CCDC73: variants seen among roughly 807,000 people sequenced by gnomAD.
The protein encoded by CCDC73 is coiled-coil domain-containing protein 73.
CCDC73 carries 95 observed loss-of-function variants against 116.5 expected under a neutral mutation model. That is an observed-to-expected ratio of 0.82 (90% CI 0.69 to 0.97). CCDC73 has a LOEUF of 0.97. Ranked by LOEUF, CCDC73 falls within the 50% of genes least tolerant of loss-of-function variation. CCDC73 has a pLI of 0.00. For synonymous variants in CCDC73, 398 were observed against 401.3 expected, an observed-to-expected ratio of 0.99 and a Z score of 0.10; for missense variants, 1,066 against 1,206.8, an observed-to-expected ratio of 0.88 and a Z score of 1.73.
chr11:32,799,859 T>C, the CCDC73 span, among the ~76,000 whole-genome samples: 1 of 152,368 alleles, frequency 6.6e-6, no homozygotes, highest in Non-Finnish European at 1.5e-5. Flanking sequence ...AAACAAGTGC[T>C]TATAACTTTG....
At chr11:32,635,947 A>G (rs1855674070) in intron 13 of CCDC73, 117 bp from the exon 14 acceptor site, 2 of 660,722 alleles carry the variant, frequency 3.0e-6, no homozygotes, top group African/African-American at 3.8e-5. Context: ...AAACAATCAC[A>G]AAGTCATTAC....
In CCDC73 at chr11:32,755,831, G is replaced by A. The variant is rs1256711624; in HGVS notation, c.135+4278C>T. On this transcript the variant is annotated intron_variant, in intron 2 of 17. Coordinates refer to ENST00000335185, the MANE Select transcript of CCDC73 (RefSeq NM_001008391.4). ...TATATATCTCCATATATATGTGTGT[G>A]TATATATCTCCATATATATGTGTGT... Among the ~76,000 whole-genome samples the A allele has an allele frequency of 1.3e-4, 17 of 127,084 alleles. 2 individuals carry two copies. Among genetic ancestry groups the A allele is most frequent in the South Asian group, 2.4e-4 (1 of 4,136 alleles). The allele number at this position is 127,084 out of a possible 152,430, so 83.4% of individuals were successfully genotyped here.
At chr11:32,798,916 G>GGGT (rs1554971666), upstream of CCDC73, among the ~76,000 whole-genome samples, 2 of 26,866 alleles carry the variant, frequency 7.4e-5, no homozygotes, top group Non-Finnish European at 1.6e-4. Context: ...TGTTTGTTTT[G>GGGT]GGGGGGGGCG....
chr11:32,822,722 A>G, the CCDC73 span, among the ~76,000 whole-genome samples: 2 of 152,128 alleles, frequency 1.3e-5, no homozygotes, highest in Non-Finnish European at 2.9e-5. Flanking sequence ...GAGAATCATA[A>G]GAAAAAATTT....
chr11:32,779,355 A>G (rs912732685), intron 1 of CCDC73, among the ~76,000 whole-genome samples: 23 of 152,140 alleles, frequency 1.5e-4, no homozygotes, highest in Admixed American at 1.4e-3. Context: ...TATAGAAAAC[A>G]CAACTTAAGC....
At position 32,744,890 on chromosome 11, in the gene CCDC73, G is replaced by A. The variant is rs1186273250; in HGVS notation, c.135+15219C>T. Reference sequence around the variant, plus strand: ...TCATTAATTTTTTGAAGGGTTTTTTGTATCTCTATCTCCTTCAGTTCTTCT... The same window carrying A: ...TCATTAATTTTTTGAAGGGTTTTTTATATCTCTATCTCCTTCAGTTCTTCT... On this transcript the variant is annotated intron_variant, in intron 2 of 17. Transcript: ENST00000335185. Among the ~76,000 whole-genome samples, 5 of 151,916 alleles carry A rather than the reference G, an allele frequency of 3.3e-5. 1 individual carries two copies. The highest frequency in any genetic ancestry group is 1.2e-4 in the African/African-American group (5 of 41,378).
intron 1 of CCDC73, among the ~76,000 whole-genome samples, chr11:32,780,802 A>G (rs892755326): frequency 2.0e-5 from 3 of 152,224 alleles, no homozygotes; most frequent in Admixed American, 2.0e-4. Flanking sequence ...TAAATGAGAA[A>G]GCTAAGGCAT....
At chr11:32,699,673 C>A (rs1849791775) in intron 5 of CCDC73, among the ~76,000 whole-genome samples, 1 of 151,982 alleles carries the variant, frequency 6.6e-6, no homozygotes, top group South Asian at 2.1e-4. Flanking sequence ...TAGGTGGGAA[C>A]TGAACAATGA....
At chr11:32,823,209 C>T in the CCDC73 span, among the ~76,000 whole-genome samples, 7 of 152,218 alleles carry the variant, frequency 4.6e-5, no homozygotes, top group Non-Finnish European at 7.3e-5. Context: ...CATGGTGGCT[C>T]ATGCCTGTAA....
chr11:32,660,116 G>A (rs1417857541), intron 9 of CCDC73, among the ~76,000 whole-genome samples: 1 of 148,796 alleles, frequency 6.7e-6, no homozygotes, highest in Non-Finnish European at 1.5e-5. Context: ...AGATTGCTTA[G>A]AATACTACTG....
At chr11:32,770,241 G>A (rs935209338) in intron 1 of CCDC73, among the ~76,000 whole-genome samples, 1 of 152,266 alleles carries the variant, frequency 6.6e-6, no homozygotes. Flanking sequence ...TCTCTGGGGA[G>A]TATTTTTAAG....
intron 1 of CCDC73, among the ~76,000 whole-genome samples, chr11:32,766,575 A>G (rs908669437): frequency 1.3e-5 from 2 of 152,232 alleles, no homozygotes; most frequent in African/African-American, 4.8e-5. Flanking sequence ...TCTCAGCCCA[A>G]AATCTCCTTA....
chr11:32,624,887 T>A (rs925207897), intron 14 of CCDC73, among the ~76,000 whole-genome samples: 5 of 152,296 alleles, frequency 3.3e-5, no homozygotes, highest in Admixed American at 1.3e-4. Flanking sequence ...TGTAGGGACA[T>A]GGATGAAGGT....
At chr11:32,716,502 C>A (rs1013546914) in intron 3 of CCDC73, among the ~76,000 whole-genome samples, 1 of 152,144 alleles carries the variant, frequency 6.6e-6, no homozygotes, top group Non-Finnish European at 1.5e-5. Context: ...ATGTTTATTT[C>A]CACATAAACC....
At chr11:32,725,108 T>TA (rs1293724167) in intron 2 of CCDC73, among the ~76,000 whole-genome samples, 2 of 152,090 alleles carry the variant, frequency 1.3e-5, no homozygotes, top group Non-Finnish European at 2.9e-5. Context: ...TTTAGTGAAG[T>TA]AAGAAGATGT....
At chr11:32,779,736 T>G (rs1479611919) in intron 1 of CCDC73, among the ~76,000 whole-genome samples, 1 of 152,122 alleles carries the variant, frequency 6.6e-6, no homozygotes, top group Admixed American at 6.5e-5. Context: ...GAGCTAGAAG[T>G]GAGGTCAATC....
chr11:32,732,603 G>A (rs1032145242), intron 2 of CCDC73, among the ~76,000 whole-genome samples: 1 of 152,122 alleles, frequency 6.6e-6, no homozygotes, highest in Non-Finnish European at 1.5e-5. Context: ...AAGAGAGTGG[G>A]GGCCAATCTT....
At chr11:32,738,140 T>C (rs1224177483) in intron 2 of CCDC73, among the ~76,000 whole-genome samples, 2 of 152,248 alleles carry the variant, frequency 1.3e-5, no homozygotes, top group Non-Finnish European at 2.9e-5. Flanking sequence ...TCTTGGTTAC[T>C]GTGAATAGTG....
At chr11:32,697,317 ATAT>A (rs56709356) in intron 6 of CCDC73, among the ~76,000 whole-genome samples, 40,892 of 151,566 alleles carry the variant, frequency 0.27, 6,359 homozygotes, top group East Asian at 0.79. Context: ...TATACCTATG[ATAT>A]TATTATACCT....
Sources: gnomAD v4.1 joint callset for allele counts (sites outside exome capture counted in the v4.1 genomes callset) on GRCh38, gnomAD v4.1.1 for gene constraint, MANE v1.5 for transcripts, NCBI Gene and HGNC (gene_info 2026-07-23, HGNC 2026-07-21) for gene names.